TASP1: variants seen among roughly 807,000 people sequenced by gnomAD.
TASP1 encodes the protein threonine aspartase 1.
A neutral mutation model predicts 56.6 loss-of-function variants in TASP1; 16 were observed. That is an observed-to-expected ratio of 0.28 (90% CI 0.19 to 0.43). The LOEUF (loss-of-function observed/expected upper bound fraction) is 0.43, where lower values mean the gene tolerates loss of function less well. Ranked by LOEUF, TASP1 falls within the 20% of genes least tolerant of loss-of-function variation. The pLI is 1.00. For missense variants in TASP1, 393 were observed against 511.6 expected (o/e 0.77, Z 2.24); for synonymous variants, 179 against 184.2 (o/e 0.97, Z 0.23).
At chr20:13,476,625 A>C (rs1483231078) in intron 11 of TASP1, among the ~76,000 whole-genome samples, 1 of 152,098 alleles carries the variant, frequency 6.6e-6, no homozygotes, top group East Asian at 1.9e-4. Context: ...TTATCTGTGA[A>C]TCTCTCATAG....
chr20:13,499,389 G>A (rs2043858737), intron 10 of TASP1, among the ~76,000 whole-genome samples: 1 of 151,204 alleles, frequency 6.6e-6, no homozygotes, highest in South Asian at 2.1e-4. Context: ...GATGAGATCA[G>A]TGTCACACAA....
At chr20:13,203,634 T>C in the TASP1 span, among the ~76,000 whole-genome samples, 1 of 152,224 alleles carries the variant, frequency 6.6e-6, no homozygotes, top group Non-Finnish European at 1.5e-5. Flanking sequence ...TTGGTTAACA[T>C]GGTCAATAGC....
chr20:13,213,306 CTAAGG>C, the TASP1 span, among the ~76,000 whole-genome samples: 141 of 152,044 alleles, frequency 9.3e-4, no homozygotes, highest in Middle Eastern at 3.4e-3. Flanking sequence ...CAACATAAAG[CTAAGG>C]TATTTATTAT....
At chr20:13,634,236 T>C (rs980283282) in intron 1 of TASP1, among the ~76,000 whole-genome samples, 10 of 152,336 alleles carry the variant, frequency 6.6e-5, no homozygotes, top group East Asian at 5.8e-4. Flanking sequence ...ACACATACTA[T>C]GTCATTAAAG....
the TASP1 span, among the ~76,000 whole-genome samples, chr20:13,297,769 T>C: frequency 1.1e-4 from 17 of 152,264 alleles, no homozygotes; most frequent in Non-Finnish European, 2.1e-4. Flanking sequence ...AATAACCTAA[T>C]TCTTAAATAT....
At chr20:13,283,511 T>C in the TASP1 span, among the ~76,000 whole-genome samples, 1 of 152,162 alleles carries the variant, frequency 6.6e-6, no homozygotes, top group Non-Finnish European at 1.5e-5. Context: ...TAGGATACAA[T>C]GGCATCTGTA....
chr20:13,247,215 A>C, the TASP1 span, among the ~76,000 whole-genome samples: 4 of 152,140 alleles, frequency 2.6e-5, no homozygotes, highest in Non-Finnish European at 5.9e-5. Context: ...TGGGCAAAAA[A>C]ATGTGAATCT....
At chr20:13,298,947 G>C in the TASP1 span, 1 of 1,612,966 alleles carries the variant, frequency 6.2e-7, no homozygotes, top group Non-Finnish European at 8.5e-7. Context: ...TCCAGACACA[G>C]ACAGCTGTGA....
intron 7 of TASP1, among the ~76,000 whole-genome samples, chr20:13,564,766 C>G (rs6134912): frequency 0.37 from 56,401 of 151,494 alleles, 10,965 homozygotes; most frequent in Non-Finnish European, 0.43. Flanking sequence ...CTTTGGAGGC[C>G]GAGGCAGGCA....
At chr20:13,151,741 T>G in the TASP1 span, among the ~76,000 whole-genome samples, 1 of 152,220 alleles carries the variant, frequency 6.6e-6, no homozygotes, top group East Asian at 1.9e-4. Flanking sequence ...TGAAGTATTT[T>G]GGGAGTGATA....
the TASP1 span, among the ~76,000 whole-genome samples, chr20:13,116,994 C>T: frequency 5.9e-5 from 9 of 152,146 alleles, no homozygotes. Context: ...TCAAAGACTT[C>T]CTATTTTACT....
At chr20:13,557,927 C>T (rs1423852580) in intron 8 of TASP1, among the ~76,000 whole-genome samples, 1 of 152,088 alleles carries the variant, frequency 6.6e-6, no homozygotes, top group Non-Finnish European at 1.5e-5. Context: ...CCACACATCA[C>T]ATCCGATGCA....
At chr20:13,533,320 A>G (rs2045290639) in intron 9 of TASP1, among the ~76,000 whole-genome samples, 1 of 152,214 alleles carries the variant, frequency 6.6e-6, no homozygotes, top group Non-Finnish European at 1.5e-5. Flanking sequence ...TAAGCCCACA[A>G]GTAATGTGCC....
intron 8 of TASP1, among the ~76,000 whole-genome samples, chr20:13,542,151 A>G (rs145627442): frequency 1.1e-3 from 164 of 152,310 alleles, no homozygotes; most frequent in Non-Finnish European, 2.1e-3. Flanking sequence ...AGCCTAAAGC[A>G]TAAGTATATG....
chr20:13,510,145 T>G, intron 10 of TASP1, among the ~76,000 whole-genome samples: 1 of 148,648 alleles, frequency 6.7e-6, no homozygotes, highest in Non-Finnish European at 1.5e-5. Flanking sequence ...TTTCTAGACT[T>G]AAAAAAAAAA....
intron 13 of TASP1, among the ~76,000 whole-genome samples, chr20:13,392,483 T>C (rs541096305): frequency 1.2e-4 from 19 of 152,344 alleles, no homozygotes; most frequent in African/African-American, 4.6e-4. Context: ...CTTTGTTACA[T>C]ACATCTCAGT....
the TASP1 span, chr20:13,165,785 A>G: frequency 1.3e-5 from 2 of 152,208 alleles, no homozygotes; most frequent in Admixed American, 1.3e-4. Context: ...TCCCAAGACT[A>G]TATTTGAAGA....
intron 11 of TASP1, among the ~76,000 whole-genome samples, chr20:13,442,463 T>C (rs2146242314): frequency 6.6e-6 from 1 of 152,064 alleles, no homozygotes; most frequent in East Asian, 1.9e-4. Flanking sequence ...GCCAAGATAA[T>C]GAAACCCTGT....
the TASP1 span, among the ~76,000 whole-genome samples, chr20:13,151,664 A>G: frequency 6.6e-6 from 1 of 152,224 alleles, no homozygotes; most frequent in Admixed American, 6.5e-5. Flanking sequence ...TTGTTAACAC[A>G]ATTAAGGTGT....
Sources: gnomAD v4.1 joint callset for allele counts (sites outside exome capture counted in the v4.1 genomes callset) on GRCh38, gnomAD v4.1.1 for gene constraint, MANE v1.5 for transcripts, NCBI Gene and HGNC (gene_info 2026-07-23, HGNC 2026-07-21) for gene names.